Variants in ZNF292 observed in about 807,000 individuals in gnomAD.
The protein encoded by ZNF292 is 16 zinc-finger domain protein.
In ZNF292, 26 loss-of-function variants were observed where a neutral mutation model predicts 217.9. That is an observed-to-expected ratio of 0.12 (90% CI 0.09 to 0.17). The LOEUF (loss-of-function observed/expected upper bound fraction) is 0.17, where lower values mean the gene tolerates loss of function less well. Among genes scored for constraint, ZNF292 ranks in the 10% least tolerant of loss-of-function variants. The pLI, the probability that ZNF292 is intolerant of heterozygous loss-of-function variation, is 1.00. For missense variants in ZNF292, 2,904 were observed against 3,175.2 expected, an observed-to-expected ratio of 0.91 and a Z score of 2.05; for synonymous variants, 1,257 against 1,124.1, an observed-to-expected ratio of 1.12 and a Z score of -2.37.
intron 5 of ZNF292, among the ~76,000 whole-genome samples, chr6:87,239,988 G>A (rs931705257): frequency 1.3e-5 from 2 of 152,160 alleles, no homozygotes; most frequent in African/African-American, 4.8e-5. Flanking sequence ...CACTTTGGGA[G>A]GCCAAGGCAG....
intron 4 of ZNF292, among the ~76,000 whole-genome samples, chr6:87,228,225 TTA>T (rs1280725991): frequency 2.0e-5 from 3 of 152,208 alleles, no homozygotes; most frequent in Non-Finnish European, 2.9e-5. Flanking sequence ...CATTCGTATG[TTA>T]TCTTTTGAGA....
At chr6:87,211,319 G>C (rs141379541) in intron 1 of ZNF292, among the ~76,000 whole-genome samples, 1 of 152,284 alleles carries the variant, frequency 6.6e-6, no homozygotes, top group African/African-American at 2.4e-5. Flanking sequence ...GAGACACACA[G>C]AATAAAATTA....
chr6:87,251,892 C>T (rs1444490202), intron 7 of ZNF292, among the ~76,000 whole-genome samples: 4 of 152,070 alleles, frequency 2.6e-5, no homozygotes, highest in African/African-American at 7.2e-5. Flanking sequence ...GGCTCCTCAC[C>T]CTTAATGAAT....
chr6:87,251,930 G>A (rs1774938902), intron 7 of ZNF292, among the ~76,000 whole-genome samples: 1 of 152,188 alleles, frequency 6.6e-6, no homozygotes, highest in Non-Finnish European at 1.5e-5. Context: ...TTTAGTTGCA[G>A]ACTGGATTAG....
chr6:87,261,443 A>T lies in ZNF292; in HGVS notation c.7814A>T (p.Lys2605Met). ...FLKFLEESAV[K>M]QKKNTDKDHP... is the part of the protein sequence containing the mutation. ...AAGTTTCTTGAGGAGTCTGCAGTGA[A>T]GCAGAAGAAAAATACTGACAAAGAC... is the stretch of plus-strand genomic sequence containing the variant. The change falls in exon 8 of 8, where the codon AAG (lysine) becomes ATG (methionine). Residue 2605 changes from lysine to methionine, a missense_variant. Physicochemically the swap from Lys to Met is moderately conservative, Grantham distance 95. This residue lies in a region of ZNF292 where 380 missense variants were observed against 355.3 expected (regional missense o/e 1.07). Transcript: ENST00000369577. 1.2e-6 allele frequency: 2 copies of T among 1,607,108 alleles called. No individual in the cohort carries two copies. Among genetic ancestry groups the T allele is most frequent in the Non-Finnish European group, 1.7e-6 (2 of 1,176,386 alleles).
In ZNF292 at chr6:87,255,365, A is replaced by C; in HGVS notation, c.1736A>C (p.Asn579Thr). 1 of 1,613,758 alleles carries C rather than the reference A, an allele frequency of 6.2e-7. No homozygotes were observed. The highest frequency in any genetic ancestry group is 8.5e-7 in the Non-Finnish European group (1 of 1,179,818). The change falls in exon 8 of 8, where the codon AAT (asparagine) becomes ACT (threonine). Residue 579 changes from asparagine to threonine, a missense_variant. Coordinates refer to ENST00000369577, the MANE Select transcript of ZNF292 (RefSeq NM_015021.3). Reference sequence around the variant, plus strand: ...TGCCCCATATGTGCAAAGAACTTTAATTCTAAAGAAACTTTTGTCCCTCAT... The same window carrying C: ...TGCCCCATATGTGCAAAGAACTTTACTTCTAAAGAAACTTTTGTCCCTCAT... The part of the protein sequence containing the change: ...YSCPICAKNF[N>T]SKETFVPHVT...
chr6:87,257,596 C>G lies in ZNF292; in HGVS notation c.3967C>G (p.Gln1323Glu). The G allele has an allele frequency of 6.2e-7, 1 of 1,606,666 alleles. No individual in the cohort carries two copies. Among genetic ancestry groups the G allele is most frequent in the Non-Finnish European group, 8.5e-7 (1 of 1,176,098 alleles). Residue 1323 changes from glutamine (Q) to glutamate (E), a missense_variant, in exon 8 of 8, where the codon CAA becomes GAA. Transcript: ENST00000369577. ...TGGTGAAAATGCAGTTTTTCCTTCA[C>G]AAGTGAATGTTGCAAATAACTTCAG... ...GNGENAVFPS[Q>E]VNVANNFSST... is the part of the protein sequence containing the mutation.
intron 1 of ZNF292, among the ~76,000 whole-genome samples, chr6:87,205,503 A>G (rs1483880425): frequency 6.6e-6 from 1 of 152,080 alleles, no homozygotes; most frequent in Non-Finnish European, 1.5e-5. Flanking sequence ...ATGTTAGAAC[A>G]TTTTAGTAAT....
chr6:87,181,162 G>A (rs1441726257), intron 1 of ZNF292, among the ~76,000 whole-genome samples: 1 of 152,144 alleles, frequency 6.6e-6, no homozygotes, highest in African/African-American at 2.4e-5. Context: ...AAGGAAGAGG[G>A]CCAGTGTGAC....
chr6:87,161,295 G>A (rs1770746378), intron 1 of ZNF292, among the ~76,000 whole-genome samples: 2 of 152,204 alleles, frequency 1.3e-5, no homozygotes, highest in African/African-American at 4.8e-5. Flanking sequence ...AGGTTTAGAT[G>A]TTATAGGAGA....
intron 1 of ZNF292, among the ~76,000 whole-genome samples, chr6:87,162,521 A>G (rs1276979705): frequency 6.6e-6 from 1 of 152,230 alleles, no homozygotes; most frequent in Non-Finnish European, 1.5e-5. Context: ...TGAGGGAGCA[A>G]TAAGTCATTT....
At position 87,171,241 on chromosome 6, in the gene ZNF292, T is replaced by G. The variant is rs1052723735; in HGVS notation, c.168+15482T>G. Among the ~76,000 whole-genome samples the G allele has an allele frequency of 1.3e-5, 2 of 152,124 alleles. 1 individual carries two copies. Among genetic ancestry groups the G allele is most frequent in the African/African-American group, 4.8e-5 (2 of 41,442 alleles). ...TTAGTGGCTTTATAGTTGAAACCTT[T>G]CCTTTGTCCAAAATTTTAAACTAGA... On this transcript the variant is annotated intron_variant, in intron 1 of 7. Transcript: ENST00000369577.
chr6:87,259,260 T>C lies in ZNF292; in HGVS notation c.5631T>C (p.Thr1877=). 6.2e-7 allele frequency: 1 copy of C among 1,613,700 alleles called. No individual in the cohort carries two copies. The highest frequency in any genetic ancestry group is 2.2e-5 in the East Asian group (1 of 44,862). ...VTLTPTPVKS[T]ADITVIQPVS... ...TGACTCCCACGCCTGTTAAATCAAC[T>C]GCAGATATCACAGTTATTCAGCCAG... The change falls in exon 8 of 8, where the codon ACT becomes ACC. Residue 1877 remains threonine, a synonymous_variant. Coordinates refer to ENST00000369577, the MANE Select transcript of ZNF292 (RefSeq NM_015021.3).
chr6:87,158,502 A>C (rs1398238067), intron 1 of ZNF292, among the ~76,000 whole-genome samples: 1 of 152,092 alleles, frequency 6.6e-6, no homozygotes, highest in African/African-American at 2.4e-5. Context: ...AAAAAATACA[A>C]AAAACAAAAC....
At chr6:87,192,725 T>A (rs1455014703) in intron 1 of ZNF292, among the ~76,000 whole-genome samples, 1 of 148,972 alleles carries the variant, frequency 6.7e-6, no homozygotes, top group East Asian at 1.9e-4. Context: ...TAATGGCTCA[T>A]GTGAATGTTT....
intron 4 of ZNF292, among the ~76,000 whole-genome samples, chr6:87,225,818 A>G (rs1773318940): frequency 1.3e-5 from 2 of 152,164 alleles, no homozygotes; most frequent in Non-Finnish European, 2.9e-5. Context: ...GAGTAGAAGA[A>G]ATATACTTTT....
chr6:87,258,160 C>T lies in ZNF292; in HGVS notation c.4531C>T (p.His1511Tyr). ...STFEGAEMLS[H>Y]VSTGCVSDAS... ...ATTTGAGGGTGCCGAAATGCTTTCT[C>T]ATGTTTCAACAGGTTGTGTCTCTGA... is the stretch of plus-strand genomic sequence containing the variant. Residue 1511 changes from histidine to tyrosine, a missense_variant, in exon 8 of 8, where the codon CAT (histidine) becomes TAT (tyrosine). Physicochemically the swap from His to Tyr is moderately conservative, Grantham distance 83. Transcript: ENST00000369577. The T allele has an allele frequency of 6.2e-7, 1 of 1,611,854 alleles. No individual in the cohort carries two copies. Among genetic ancestry groups the T allele is most frequent in the Non-Finnish European group, 8.5e-7 (1 of 1,179,068 alleles).
At chr6:87,164,198 C>G (rs992741190) in intron 1 of ZNF292, among the ~76,000 whole-genome samples, 1 of 151,996 alleles carries the variant, frequency 6.6e-6, no homozygotes, top group African/African-American at 2.4e-5. Flanking sequence ...CTGAATAGTC[C>G]CAGATGGTTT....
At chr6:87,220,488 A>G (rs1379666791) in intron 4 of ZNF292, among the ~76,000 whole-genome samples, 1 of 152,158 alleles carries the variant, frequency 6.6e-6, no homozygotes, top group African/African-American at 2.4e-5. Flanking sequence ...AGGAATTAAA[A>G]TCAGACCTCA....
Sources: gnomAD v4.1 joint callset for allele counts (sites outside exome capture counted in the v4.1 genomes callset) on GRCh38, gnomAD v4.1.1 for gene constraint, gnomAD v4.1.1 regional missense constraint, MANE v1.5 for transcripts, NCBI Gene and HGNC (gene_info 2026-07-23, HGNC 2026-07-21) for gene names.